Variants in TRPM6 observed in about 807,000 individuals in gnomAD.
TRPM6 encodes the protein channel kinase 2.
TRPM6 carries 111 observed loss-of-function variants against 247.6 expected under a neutral mutation model. The ratio of observed to expected loss-of-function variants is 0.45; its 90% CI spans 0.38 to 0.52. The LOEUF is 0.52. Ranked by LOEUF, TRPM6 falls within the 20% of genes least tolerant of loss-of-function variation. TRPM6 has a pLI of 0.00. For missense variants in TRPM6, 2,126 were observed against 2,421.5 expected (o/e 0.88, Z 2.56); for synonymous variants, 892 against 853.8 (o/e 1.04, Z -0.78).
intron 27 of TRPM6, among the ~76,000 whole-genome samples, chr9:74,761,129 T>C (rs555131588): frequency 9.2e-5 from 14 of 152,340 alleles, no homozygotes; most frequent in Non-Finnish European, 1.8e-4. Context: ...AGTGAGGATG[T>C]AGAACAGCTG....
intron 1 of TRPM6, chr9:74,887,130 A>T (rs1831556283): frequency 4.4e-6 from 3 of 681,496 alleles, no homozygotes; most frequent in Admixed American, 3.8e-5. Context: ...GTTGCGCCAT[A>T]TGCCAGCGGT....
At chr9:74,885,444 T>G (rs1831502418) in intron 1 of TRPM6, among the ~76,000 whole-genome samples, 1 of 152,200 alleles carries the variant, frequency 6.6e-6, no homozygotes, top group South Asian at 2.1e-4. Flanking sequence ...ACATGATTAC[T>G]TCTCTTAAAA....
At chr9:74,732,428 A>G (rs1825550076) in intron 37 of TRPM6, among the ~76,000 whole-genome samples, 1 of 152,238 alleles carries the variant, frequency 6.6e-6, no homozygotes. Context: ...TCAAATTTGC[A>G]TTAGTCCTTA....
chr9:74,739,583 G>T, intron 34 of TRPM6, 134 bp from the exon 35 acceptor site: 1 of 1,508,786 alleles, frequency 6.6e-7, no homozygotes, highest in Non-Finnish European at 9.2e-7. Context: ...AAAAGCAAAA[G>T]TCCTACAAAG....
At position 74,808,025 on chromosome 9, in the gene TRPM6, T is replaced by G. The variant is rs1195999900; in HGVS notation, c.1638+9A>C. 2 of 1,613,828 alleles carry G rather than the reference T, an allele frequency of 1.2e-6. No homozygotes were observed. The highest frequency in any genetic ancestry group is 1.7e-6 in the Non-Finnish European group (2 of 1,179,828). Reference sequence around the variant, plus strand: ...TCAATTTTACTTGGGCACTTTTCAATTACTCTACCTTGTATTTTCTGTAGA... The same window carrying G: ...TCAATTTTACTTGGGCACTTTTCAAGTACTCTACCTTGTATTTTCTGTAGA... On this transcript the variant is annotated intron_variant, in intron 14 of 38. Transcript: ENST00000360774.
At chr9:74,809,507 G>A (rs1188340872) in intron 13 of TRPM6, among the ~76,000 whole-genome samples, 1 of 151,896 alleles carries the variant, frequency 6.6e-6, no homozygotes, top group Non-Finnish European at 1.5e-5. Flanking sequence ...TTTTTTCAAG[G>A]AATGCCAAAA....
At chr9:74,880,441 A>C (rs780850533) in intron 1 of TRPM6, among the ~76,000 whole-genome samples, 2 of 152,206 alleles carry the variant, frequency 1.3e-5, no homozygotes, top group Non-Finnish European at 2.9e-5. Flanking sequence ...ACAGCAAAAG[A>C]AAAATGTCCA....
intron 3 of TRPM6, among the ~76,000 whole-genome samples, chr9:74,846,470 TTA>T (rs1352480325): frequency 1.4e-4 from 22 of 152,318 alleles, no homozygotes; most frequent in Admixed American, 9.2e-4. Flanking sequence ...GTGACACATT[TTA>T]TATGAGAATT....
At chr9:74,883,423 A>G (rs1041189315) in intron 1 of TRPM6, among the ~76,000 whole-genome samples, 1 of 152,232 alleles carries the variant, frequency 6.6e-6, no homozygotes, top group Non-Finnish European at 1.5e-5. Flanking sequence ...AACTGAGCTC[A>G]GTTTCATCGA....
chr9:74,804,811 A>C (rs1828477062), intron 14 of TRPM6: 1 of 561,382 alleles, frequency 1.8e-6, no homozygotes, highest in Admixed American at 3.0e-5. Flanking sequence ...CATGGAAATA[A>C]GCTTAATGTA....
In TRPM6 at chr9:74,771,849, T is replaced by C. The variant is rs1827055620; in HGVS notation, c.3404-14A>G. ...TGAGGTAGAGTTCTATAGAAATAAGTATGAAACACAGAAAGAATCATTATT... is the reference window on the plus strand; with the variant it reads ...TGAGGTAGAGTTCTATAGAAATAAGCATGAAACACAGAAAGAATCATTATT... On this transcript the variant is annotated splice_polypyrimidine_tract_variant and intron_variant, in intron 24 of 38. Coordinates refer to ENST00000360774, the MANE Select transcript of TRPM6 (RefSeq NM_017662.5). 2 of 1,612,662 alleles carry C rather than the reference T, an allele frequency of 1.2e-6. No individual in the cohort carries two copies. Among genetic ancestry groups the C allele is most frequent in the Admixed American group, 1.7e-5 (1 of 60,008 alleles).
intron 33 of TRPM6, among the ~76,000 whole-genome samples, chr9:74,741,763 G>A (rs1326008541): frequency 1.3e-5 from 2 of 151,912 alleles, no homozygotes; most frequent in Admixed American, 1.3e-4. Flanking sequence ...GGTGGTGCAC[G>A]CCTGTAATCC....
intron 38 of TRPM6, among the ~76,000 whole-genome samples, chr9:74,725,555 G>A (rs1587441564): frequency 6.6e-6 from 1 of 152,154 alleles, no homozygotes; most frequent in Admixed American, 6.6e-5. Context: ...CCAGTGGGAG[G>A]TGACTGAATT....
Position 74,804,671 on chromosome 9 carries a change from C to G in TRPM6, c.1639-785G>C, listed in dbSNP as rs114640944. The stretch of plus-strand genomic sequence containing the variant: ...TGTCCTCTGTGACTATTCAGCAGTT[C>G]CCTACTGAAGACTGGAGCTCTCAGC... On this transcript the variant is annotated intron_variant, in intron 14 of 38. Coordinates refer to ENST00000360774, the MANE Select transcript of TRPM6 (RefSeq NM_017662.5). The G allele has an allele frequency of 3.5e-3, 2,647 of 756,840 alleles. 30 individuals carry two copies. Among genetic ancestry groups the G allele is most frequent in the African/African-American group, 0.028 (1,658 of 58,812 alleles). 46.9% of individuals were successfully genotyped at this position (756,840 alleles called of 1,614,324 possible).
At chr9:74,812,868 C>G (rs1184281662) in intron 11 of TRPM6, among the ~76,000 whole-genome samples, 1 of 152,110 alleles carries the variant, frequency 6.6e-6, no homozygotes, top group Non-Finnish European at 1.5e-5. Flanking sequence ...CCAGCCTGGG[C>G]AACAGGGCAA....
intron 24 of TRPM6, among the ~76,000 whole-genome samples, chr9:74,772,840 T>A (rs1458603223): frequency 6.6e-6 from 1 of 152,154 alleles, no homozygotes; most frequent in African/African-American, 2.4e-5. Context: ...AAACCCCACC[T>A]CTAGTAAAAA....
Position 74,750,732 on chromosome 9 carries a change from A to AGGGAAAGGCC in TRPM6, c.4999-20_4999-11dup. On this transcript the variant is annotated splice_polypyrimidine_tract_variant and intron_variant, in intron 29 of 38. Transcript: ENST00000360774. ...AGTTTTTGCTGAGATCCTGAGCAGAAGGGAAAGGCCGTTACGTGTGTGCTC... is the reference window on the plus strand; with the variant it reads ...AGTTTTTGCTGAGATCCTGAGCAGAAGGGAAAGGCCGGGAAAGGCCGTTACGTGTGTGCTC... 1 of 1,613,848 alleles carries AGGGAAAGGCC rather than the reference A, an allele frequency of 6.2e-7. No homozygotes were observed. Among genetic ancestry groups the AGGGAAAGGCC allele is most frequent in the South Asian group, 1.1e-5 (1 of 91,078 alleles).
At chr9:74,820,216 G>GTT in intron 9 of TRPM6, 88 bp downstream of exon 9, 1 of 1,432,422 alleles carries the variant, frequency 7.0e-7, no homozygotes, top group Non-Finnish European at 9.7e-7. Context: ...TGTCCACCAT[G>GTT]TTTTTTTTTA....
Position 74,771,750 on chromosome 9 carries a change from T to C in TRPM6, c.3489A>G (p.Glu1163=), listed in dbSNP as rs769893266. 3 of 1,613,832 alleles carry C rather than the reference T, an allele frequency of 1.9e-6. No individual in the cohort carries two copies. Among genetic ancestry groups the C allele is most frequent in the African/African-American group, 2.7e-5 (2 of 74,932 alleles). The stretch of plus-strand genomic sequence containing the variant: ...GTTCCTCACAACTACAATTCACATC[T>C]TCCATCTTCTCATGGAAGTATTTTT... ...CVEKYFHEKM[E]DVNCSCEERI... is the part of the protein sequence containing the mutation. The change falls in exon 25 of 39, where the codon GAA becomes GAG. Residue 1163 remains glutamate (E), a synonymous_variant. Coordinates refer to ENST00000360774, the MANE Select transcript of TRPM6 (RefSeq NM_017662.5).
Sources: allele counts gnomAD v4.1 joint callset (sites outside exome capture counted in the v4.1 genomes callset), GRCh38; gene constraint gnomAD v4.1.1; transcripts MANE v1.5; gene names NCBI Gene and HGNC (gene_info 2026-07-23, HGNC 2026-07-21).